ASIC2: variants seen among roughly 807,000 people sequenced by gnomAD.
The protein encoded by ASIC2 is acid sensing ion channel subunit 2, also known as acid-sensing ion channel 2.
A neutral mutation model predicts 57.3 loss-of-function variants in ASIC2; 25 were observed. That is an observed-to-expected ratio of 0.44 (90% CI 0.32 to 0.61). ASIC2 has a LOEUF of 0.61. Ranked by LOEUF, ASIC2 falls within the 20% of genes least tolerant of loss-of-function variation. The pLI is 0.06. For synonymous variants in ASIC2, 319 were observed against 307.5 expected, an observed-to-expected ratio of 1.04 and a Z score of -0.39; for missense variants, 641 against 738.1, an observed-to-expected ratio of 0.87 and a Z score of 1.52.
chr17:33,151,782 CT>C (rs896428457), intron 1 of ASIC2, among the ~76,000 whole-genome samples: 31 of 152,184 alleles, frequency 2.0e-4, no homozygotes, highest in African/African-American at 7.2e-4. Flanking sequence ...GATGCAGGCT[CT>C]TCGACCTTGG....
rs931626104 is a variant in ASIC2 at position 33,242,114 on chromosome 17, C to T, written c.708+49294G>A. On this transcript the variant is annotated intron_variant, in intron 1 of 9. Coordinates refer to ENST00000225823, the MANE Select transcript of ASIC2 (RefSeq NM_183377.2). ...CAGGCAGATCACGAGGTCGGGAGAT[C>T]GAGACCATCCTGGCTAACACGGTGA... is the stretch of plus-strand genomic sequence containing the variant. Among the ~76,000 whole-genome samples the T allele has an allele frequency of 8.6e-5, 13 of 151,976 alleles. No homozygotes were observed. In the South Asian group the frequency reaches 1.5e-3, roughly 17 times the overall value.
chr17:34,076,819 G>T (rs528105449), intron 1 of ASIC2, among the ~76,000 whole-genome samples: 6 of 152,146 alleles, frequency 3.9e-5, no homozygotes, highest in Non-Finnish European at 8.8e-5. Context: ...TTGTATTATA[G>T]TCAGAGAGTG....
intron 1 of ASIC2, among the ~76,000 whole-genome samples, chr17:34,107,833 T>C (rs1911116608): frequency 1.3e-5 from 2 of 152,194 alleles, no homozygotes; most frequent in African/African-American, 2.4e-5. Context: ...TCGGCTTTAA[T>C]TTAATTTGGG....
intron 1 of ASIC2, among the ~76,000 whole-genome samples, chr17:33,838,073 T>G (rs1487492123): frequency 6.6e-6 from 1 of 152,164 alleles, no homozygotes; most frequent in African/African-American, 2.4e-5. Flanking sequence ...GCTGCTTGAG[T>G]CTAATAAAGA....
chr17:33,845,985 G>A (rs1248130699), intron 1 of ASIC2, among the ~76,000 whole-genome samples: 1 of 152,064 alleles, frequency 6.6e-6, no homozygotes, highest in African/African-American at 2.4e-5. Context: ...ATTGGCGAGG[G>A]GACTTTGGAA....
chr17:33,291,312 G>A, intron 1 of ASIC2, 96 bp downstream of exon 1: 3 of 1,465,094 alleles, frequency 2.0e-6, no homozygotes, highest in African/African-American at 2.8e-5. Context: ...CACTGCAAGA[G>A]GCCTGGGGAC....
chr17:33,058,751 G>T (rs1373195546), intron 3 of ASIC2, among the ~76,000 whole-genome samples: 1 of 151,986 alleles, frequency 6.6e-6, no homozygotes, highest in African/African-American at 2.4e-5. Context: ...TACCCCTGAT[G>T]CAGTCATCTC....
intron 1 of ASIC2, among the ~76,000 whole-genome samples, chr17:33,988,404 T>G (rs1905895887): frequency 6.6e-6 from 1 of 152,104 alleles, no homozygotes; most frequent in Non-Finnish European, 1.5e-5. Context: ...CTGCACAAGC[T>G]CTCTCTTTTT....
At chr17:33,626,260 A>G (rs1905979843) in intron 1 of ASIC2, among the ~76,000 whole-genome samples, 2 of 152,242 alleles carry the variant, frequency 1.3e-5, no homozygotes, top group African/African-American at 4.8e-5. Flanking sequence ...AAAAAGGACT[A>G]GAACGTCGTG....
chr17:33,992,489 G>C (rs1280542832), intron 1 of ASIC2, among the ~76,000 whole-genome samples: 2 of 152,180 alleles, frequency 1.3e-5, no homozygotes, highest in Non-Finnish European at 2.9e-5. Context: ...TGGGATTTCA[G>C]TTAACTGTGC....
At chr17:34,147,259 T>C (rs1287651879) in intron 1 of ASIC2, among the ~76,000 whole-genome samples, 2 of 152,182 alleles carry the variant, frequency 1.3e-5, no homozygotes, top group African/African-American at 4.8e-5. Flanking sequence ...CTGAGGCCCA[T>C]TGAGGCTTAT....
At chr17:33,388,096 G>GCAAAA (rs61370065) in intron 1 of ASIC2, among the ~76,000 whole-genome samples, 141,356 of 151,540 alleles carry the variant, frequency 0.93, 66,173 homozygotes, top group East Asian at 0.98. Flanking sequence ...ACAAAGCAAA[G>GCAAAA]CAAAACAAAA....
chr17:33,194,669 TTGGGAA>T (rs1906557611), intron 1 of ASIC2, among the ~76,000 whole-genome samples: 4 of 22,316 alleles, frequency 1.8e-4, no homozygotes, highest in Non-Finnish European at 3.1e-4. Flanking sequence ...TATTCCCAGA[TTGGGAA>T]ATCAATCTGT....
chr17:33,523,694 C>T (rs555207551), intron 1 of ASIC2, among the ~76,000 whole-genome samples: 3 of 152,288 alleles, frequency 2.0e-5, no homozygotes, highest in East Asian at 3.9e-4. Context: ...GACACTTTCC[C>T]GTTGTTATAA....
chr17:33,605,199 G>A (rs948672359), intron 1 of ASIC2, among the ~76,000 whole-genome samples: 2 of 152,218 alleles, frequency 1.3e-5, no homozygotes, highest in African/African-American at 2.4e-5. Flanking sequence ...GATACCTTCT[G>A]TGTCTGCCGG....
At chr17:33,391,838 C>T (rs1289853111) in intron 1 of ASIC2, among the ~76,000 whole-genome samples, 1 of 152,176 alleles carries the variant, frequency 6.6e-6, no homozygotes, top group African/African-American at 2.4e-5. Context: ...CTTATTTAAT[C>T]CTTCCAAGAA....
chr17:33,531,111 G>A (rs531339832), intron 1 of ASIC2, among the ~76,000 whole-genome samples: 1 of 146,224 alleles, frequency 6.8e-6, no homozygotes, highest in South Asian at 2.2e-4. Context: ...ACAGCTTGAA[G>A]GTTTGAACCC....
At chr17:33,197,171 T>C (rs1832362264) in intron 1 of ASIC2, among the ~76,000 whole-genome samples, 1 of 152,230 alleles carries the variant, frequency 6.6e-6, no homozygotes, top group Non-Finnish European at 1.5e-5. Flanking sequence ...TGCCTAGCTC[T>C]TTCCCTGCTC....
At chr17:33,055,927 C>A (rs1286910762) in intron 3 of ASIC2, among the ~76,000 whole-genome samples, 10 of 152,326 alleles carry the variant, frequency 6.6e-5, no homozygotes, top group African/African-American at 2.4e-4. Flanking sequence ...CCTGGGAATA[C>A]TTTTATAAAT....
Sources: allele counts gnomAD v4.1 joint callset (sites outside exome capture counted in the v4.1 genomes callset), GRCh38; gene constraint gnomAD v4.1.1; transcripts MANE v1.5; gene names NCBI Gene and HGNC (gene_info 2026-07-23, HGNC 2026-07-21).